The following TBC1D5 variants were observed in gnomAD, a reference collection of about 807,000 sequenced individuals.
TBC1D5 encodes the protein TBC1 domain family, member 5.
A neutral mutation model predicts 100.3 loss-of-function variants in TBC1D5; 75 were observed. That is an observed-to-expected ratio of 0.75 (90% CI 0.62 to 0.91). TBC1D5 has a LOEUF of 0.91. Among genes scored for constraint, TBC1D5 ranks in the 40% least tolerant of loss-of-function variants. TBC1D5 has a pLI of 0.00. For missense variants in TBC1D5, 910 were observed against 942.4 expected, an observed-to-expected ratio of 0.97 and a Z score of 0.45; for synonymous variants, 323 against 325.6, an observed-to-expected ratio of 0.99 and a Z score of 0.09.
chr3:17,633,468 T>C (rs1057117087), intron 1 of TBC1D5, among the ~76,000 whole-genome samples: 3 of 152,076 alleles, frequency 2.0e-5, no homozygotes, highest in African/African-American at 7.2e-5. Flanking sequence ...TTCACCCTAA[T>C]TTAGGTCAGA....
At chr3:17,684,169 T>C (rs1219530726) in intron 1 of TBC1D5, among the ~76,000 whole-genome samples, 2 of 152,048 alleles carry the variant, frequency 1.3e-5, no homozygotes, top group East Asian at 1.9e-4. Context: ...ATAGTATCTG[T>C]GGTTGTTCAT....
intron 1 of TBC1D5, among the ~76,000 whole-genome samples, chr3:17,701,058 T>G (rs954096252): frequency 6.6e-6 from 1 of 152,082 alleles, no homozygotes; most frequent in Non-Finnish European, 1.5e-5. Flanking sequence ...CTATTCACAA[T>G]AGCAAAGACT....
chr3:17,501,454 T>C (rs2095787390), intron 3 of TBC1D5, among the ~76,000 whole-genome samples: 1 of 149,292 alleles, frequency 6.7e-6, no homozygotes, highest in Admixed American at 6.6e-5. Flanking sequence ...TTTTAGATTA[T>C]TAGGAATCAC....
intron 2 of TBC1D5, among the ~76,000 whole-genome samples, chr3:17,545,926 A>G (rs1010221497): frequency 6.6e-6 from 1 of 152,218 alleles, no homozygotes; most frequent in Admixed American, 6.5e-5. Flanking sequence ...ACCTTAAAGG[A>G]ACTAGCTTTT....
intron 3 of TBC1D5, among the ~76,000 whole-genome samples, chr3:17,439,107 T>C (rs1481299865): frequency 6.6e-6 from 1 of 152,158 alleles, no homozygotes; most frequent in Non-Finnish European, 1.5e-5. Context: ...AAAGAATCCT[T>C]GGGGCACTAC....
chr3:17,468,969 C>T (rs773228759), intron 3 of TBC1D5, among the ~76,000 whole-genome samples: 2 of 152,124 alleles, frequency 1.3e-5, no homozygotes, highest in African/African-American at 4.8e-5. Context: ...CTTTCATTTA[C>T]CTGAAGTGAC....
intron 1 of TBC1D5, among the ~76,000 whole-genome samples, chr3:17,715,090 A>C (rs954526107): frequency 6.6e-6 from 1 of 152,248 alleles, no homozygotes; most frequent in Admixed American, 6.5e-5. Context: ...TGTAAAGTAG[A>C]TCTTATTCAG....
intron 2 of TBC1D5, among the ~76,000 whole-genome samples, chr3:17,584,549 GT>G (rs763910244): frequency 7.3e-5 from 11 of 150,920 alleles, no homozygotes; most frequent in Middle Eastern, 3.4e-3. Flanking sequence ...TCATTTCAGG[GT>G]TTTTTTTTCC....
chr3:17,708,517 T>C (rs1471205255), intron 1 of TBC1D5, among the ~76,000 whole-genome samples: 1 of 152,182 alleles, frequency 6.6e-6, no homozygotes, highest in African/African-American at 2.4e-5. Flanking sequence ...AGATAATTCT[T>C]TTATTATGGG....
chr3:17,462,904 C>A (rs1023343194), intron 3 of TBC1D5, among the ~76,000 whole-genome samples: 4 of 152,086 alleles, frequency 2.6e-5, no homozygotes, highest in African/African-American at 7.2e-5. Flanking sequence ...AGGAACCTTA[C>A]TTCTAAATAA....
intron 18 of TBC1D5, among the ~76,000 whole-genome samples, chr3:17,201,857 A>G (rs1275514040): frequency 6.6e-6 from 1 of 152,136 alleles, no homozygotes; most frequent in African/African-American, 2.4e-5. Flanking sequence ...TTTTCTTTAT[A>G]CTTTACCCAG....
At chr3:17,727,347 C>T (rs1414956814) in intron 1 of TBC1D5, among the ~76,000 whole-genome samples, 3 of 152,154 alleles carry the variant, frequency 2.0e-5, no homozygotes, top group African/African-American at 7.2e-5. Flanking sequence ...TGCCATTGCA[C>T]TCTAGCCTGG....
intron 13 of TBC1D5, among the ~76,000 whole-genome samples, chr3:17,348,848 T>C (rs2090224492): frequency 6.6e-6 from 1 of 152,158 alleles, no homozygotes; most frequent in Admixed American, 6.5e-5. Flanking sequence ...AATTTGAAAT[T>C]GAAACTGAAA....
chr3:17,630,693 C>T (rs1429003176), intron 1 of TBC1D5, among the ~76,000 whole-genome samples: 1 of 152,030 alleles, frequency 6.6e-6, no homozygotes, highest in African/African-American at 2.4e-5. Context: ...GTATGCCTCT[C>T]ATTTGAAATA....
chr3:17,616,880 C>A (rs184845417), intron 2 of TBC1D5, among the ~76,000 whole-genome samples: 19 of 152,162 alleles, frequency 1.2e-4, no homozygotes, highest in Admixed American at 1.0e-3. Context: ...GGCATTTAGC[C>A]CATTTACATT....
intron 19 of TBC1D5, among the ~76,000 whole-genome samples, chr3:17,179,869 T>G (rs1050476185): frequency 3.3e-5 from 5 of 152,290 alleles, no homozygotes; most frequent in African/African-American, 9.6e-5. Context: ...AACACTTCCA[T>G]TGGGAGCAGG....
chr3:17,308,019 C>T (rs1251218701), exon 14 of TBC1D5: 1 of 1,604,992 alleles, frequency 6.2e-7, no homozygotes. Flanking sequence ...AGTAACATGG[C>T]TACGAAGATA....
chr3:17,736,302 T>A (rs566970744), intron 1 of TBC1D5, among the ~76,000 whole-genome samples: 1 of 152,196 alleles, frequency 6.6e-6, no homozygotes. Context: ...AAGGTAGATC[T>A]ATAGGTACAC....
intron 17 of TBC1D5, among the ~76,000 whole-genome samples, chr3:17,223,147 T>A (rs1192214342): frequency 1.3e-5 from 2 of 152,174 alleles, no homozygotes; most frequent in African/African-American, 4.8e-5. Context: ...AATTACAATA[T>A]AATAAAACAA....
Sources: allele counts gnomAD v4.1 joint callset (sites outside exome capture counted in the v4.1 genomes callset), GRCh38; gene constraint gnomAD v4.1.1; transcripts MANE v1.5; gene names NCBI Gene and HGNC (gene_info 2026-07-23, HGNC 2026-07-21).